WIZ: variants seen among roughly 807,000 people sequenced by gnomAD.
The protein encoded by WIZ is WIZ zinc finger.
Under a neutral mutation model 140.2 loss-of-function variants are expected in WIZ, and 25 were observed. The ratio of observed to expected loss-of-function variants is 0.18; its 90% CI spans 0.13 to 0.25. WIZ has a LOEUF of 0.25. Among genes scored for constraint, WIZ ranks in the 10% least tolerant of loss-of-function variants. The probability of loss-of-function intolerance (pLI) is 1.00; values close to 1 mark genes in which losing one functional copy is unlikely to be tolerated. For synonymous variants in WIZ, 1,125 were observed against 1,154.3 expected, an observed-to-expected ratio of 0.97 and a Z score of 0.51; for missense variants, 2,231 against 2,632.6, an observed-to-expected ratio of 0.85 and a Z score of 3.34.
In WIZ at chr19:15,436,888, C is replaced by T. The variant is rs1336226971; in HGVS notation, c.2658G>A (p.Leu886=). The part of the protein sequence containing the change: ...REPGGPPGSF[L]TSRRPRLPLT... ...GAGGTAAGCGGGGCCGACGGGAGGT[C>T]AGGAAGCTGCCAGGCGGACCCCCAG... is the stretch of plus-strand genomic sequence containing the variant. Residue 886 remains leucine (L), a synonymous_variant, in exon 5 of 13, where the codon CTG becomes CTA. Transcript: ENST00000673675. 1 of 1,612,854 alleles carries T rather than the reference C, an allele frequency of 6.2e-7. No individual in the cohort carries two copies. Among genetic ancestry groups the T allele is most frequent in the Admixed American group, 1.7e-5 (1 of 59,796 alleles).
chr19:15,439,769 C>T lies in WIZ; in HGVS notation c.1225G>A (p.Gly409Ser), dbSNP rs79917926. The change falls in exon 4 of 13, where the codon GGC (glycine) becomes AGC (serine). Residue 409 changes from glycine (G) to serine (S), a missense_variant. Transcript: ENST00000673675. This position sits in a 1 kb window ranked among gnomAD's most constrained non-coding sequence, Gnocchi z 7.0. ...ACATAGGCCCTGGATGAATTGGTGC[C>T]AAAGACACACTTAGGGCACTGCAGC... Reference protein sequence around the residue: ...ARLQCPKCVFGTNSSRAYVQH... With the variant: ...ARLQCPKCVFSTNSSRAYVQH... 3,483 of 1,485,710 alleles carry T rather than the reference C, an allele frequency of 2.3e-3. 7 individuals are homozygous for T. Among genetic ancestry groups the T allele is most frequent in the Non-Finnish European group, 3.0e-3 (3,327 of 1,123,328 alleles). The allele number at this position is 1,485,710 out of a possible 1,614,324, so 92.0% of individuals were successfully genotyped here. A position where few individuals can be genotyped will look rare whatever the true frequency, so the allele number is the denominator to read the frequency against.
chr19:15,430,948 G>C, intron 6 of WIZ, 64 bp downstream of exon 6: 1 of 1,453,760 alleles, frequency 6.9e-7, no homozygotes, highest in Non-Finnish European at 9.1e-7. Flanking sequence ...CAAGGCACGA[G>C]AGTGCTCCTG....
intron 5 of WIZ, among the ~76,000 whole-genome samples, chr19:15,436,070 C>T (rs1969504784): frequency 6.6e-6 from 1 of 152,200 alleles, no homozygotes; most frequent in African/African-American, 2.4e-5. Flanking sequence ...TTGCAGTGAG[C>T]CAAGATTGTG....
rs760260747 is a variant in WIZ, at chr19:15,448,345, C to T, written c.-38G>A. Reference sequence around the variant, plus strand: ...GCTTGGATCCACTCAGCTGCTGCACCGGCTCAGCGGGGCATTGTGGGCCTG... The same window carrying T: ...GCTTGGATCCACTCAGCTGCTGCACTGGCTCAGCGGGGCATTGTGGGCCTG... On this transcript the variant is annotated 5_prime_UTR_variant, in exon 2 of 13. Transcript: ENST00000673675. The T allele has an allele frequency of 6.2e-6, 10 of 1,603,712 alleles. No individual in the cohort carries two copies. The highest frequency in any genetic ancestry group is 2.7e-5 in the African/African-American group (2 of 74,770).
chr19:15,429,549 G>A (rs1969085182), intron 7 of WIZ, 37 bp downstream of exon 7: 27 of 1,130,360 alleles, frequency 2.4e-5, no homozygotes, highest in Non-Finnish European at 2.8e-5. Context: ...CCCTCCCAGC[G>A]CCAGAACCTC....
At position 15,422,839 on chromosome 19, in the gene WIZ, G is replaced by A; in HGVS notation, c.*237C>T. ...CCTGGCTGCTGCCCCTGCTGGACCA[G>A]GTGGGCATGGGCTGAAGGAAGACAC... On this transcript the variant is annotated 3_prime_UTR_variant, in exon 13 of 13. Coordinates refer to ENST00000673675, the MANE Select transcript of WIZ (RefSeq NM_001371589.1). The A allele has an allele frequency of 1.7e-6, 1 of 581,196 alleles. No individual in the cohort carries two copies. The highest frequency in any genetic ancestry group is 3.0e-6 in the Non-Finnish European group (1 of 335,676). The allele number at this position is 581,196 out of a possible 1,614,324, so 36.0% of individuals were successfully genotyped here. A position where few individuals can be genotyped will look rare whatever the true frequency, so the allele number is the denominator to read the frequency against.
Position 15,428,239 on chromosome 19 carries a change from G to A in WIZ, c.3685C>T (p.Pro1229Ser), listed in dbSNP as rs1568295754. Residue 1229 changes from proline to serine, a missense_variant, in exon 8 of 13, where the codon CCG (proline) becomes TCG (serine). By Grantham distance (74) the Pro-to-Ser change is moderately conservative. Transcript: ENST00000673675. This position sits in a 1 kb window ranked among gnomAD's most constrained non-coding sequence, Gnocchi z 6.4. ...SAALSLLPPP[P>S]PAKKAKLKAA... ...TTCAGCTTGGCCTTCTTGGCCGGCG[G>A]TGGGGGGGGAAGCAAGGAGAGGGCC... 6.5e-7 allele frequency: 1 copy of A among 1,531,240 alleles called. No homozygotes were observed. Among genetic ancestry groups the A allele is most frequent in the Non-Finnish European group, 8.7e-7 (1 of 1,145,210 alleles). The allele number at this position is 1,531,240 out of a possible 1,614,324, so 94.9% of individuals were successfully genotyped here.
At position 15,427,360 on chromosome 19, in the gene WIZ, T is replaced by A; in HGVS notation, c.3988A>T (p.Thr1330Ser). ...GGAGGTCCACCAGGCCGAGACTGGG[T>A]CCGTCTCTTCAGGATCTCCCGCAGC... ...DTLREILKRR[T>S]QSRPGGPPNP... Residue 1330 changes from threonine (T) to serine (S), a missense_variant, in exon 9 of 13, where the codon ACC becomes TCC. Coordinates refer to ENST00000673675, the MANE Select transcript of WIZ (RefSeq NM_001371589.1). The surrounding 1 kb of genome is among the most constrained non-coding windows in gnomAD (Gnocchi z 6.4). 8 of 1,613,634 alleles carry A rather than the reference T, an allele frequency of 5.0e-6. No homozygotes were observed. Among genetic ancestry groups the A allele is most frequent in the Non-Finnish European group, 6.8e-6 (8 of 1,179,996 alleles).
rs1227588938 is a variant in WIZ, at chr19:15,424,964, G to T, written c.4963C>A (p.Arg1655=). 1.2e-6 allele frequency: 2 copies of T among 1,606,436 alleles called. No homozygotes were observed. The highest frequency in any genetic ancestry group is 2.2e-5 in the East Asian group (1 of 44,686). ...ENRKALASHA[R]AHLRQFGVTE... is the part of the protein sequence containing the mutation. The stretch of plus-strand genomic sequence containing the variant: ...ACGCCGAACTGCCGCAGGTGTGCCC[G>T]TGCGTGGCTGGCCAGGGCCTTGCGG... Residue 1655 remains arginine, a synonymous_variant, in exon 11 of 13, where the codon CGG becomes AGG. Coordinates refer to ENST00000673675, the MANE Select transcript of WIZ (RefSeq NM_001371589.1). This position sits in a 1 kb window ranked among gnomAD's most constrained non-coding sequence, Gnocchi z 9.7.
rs146090944 is a variant in WIZ, at chr19:15,444,965, C to T, written c.206-2217G>A. ...GGCCTCTTTGTCTGAGCAATTCCAG[C>T]GAGGCTCCTATTTTTAGTGGCAGTG... On this transcript the variant is annotated intron_variant, in intron 2 of 12. Transcript: ENST00000673675. Among the ~76,000 whole-genome samples, 505 of 152,334 alleles carry T rather than the reference C, an allele frequency of 3.3e-3. 3 individuals carry two copies. Among genetic ancestry groups the T allele is most frequent in the Admixed American group, 7.1e-3 (109 of 15,296 alleles).
At position 15,439,014 on chromosome 19, in the gene WIZ, T is replaced by C; in HGVS notation, c.1980A>G (p.Ala660=). 1.3e-6 allele frequency: 2 copies of C among 1,493,218 alleles called. No homozygotes were observed. Among genetic ancestry groups the C allele is most frequent in the African/African-American group, 1.4e-5 (1 of 71,616 alleles). 92.5% of individuals were successfully genotyped at this position (1,493,218 alleles called of 1,614,324 possible). The change falls in exon 4 of 13, where the codon GCA becomes GCG. Residue 660 remains alanine, a synonymous_variant. Coordinates refer to ENST00000673675, the MANE Select transcript of WIZ (RefSeq NM_001371589.1). This position sits in a 1 kb window ranked among gnomAD's most constrained non-coding sequence, Gnocchi z 7.0. ...CTACTGCCTGCAGGGCCTCTCGGAA[T>C]GCCTGCTTCAGCTCCAGGGCCGCCT... ...IPQAALELKQ[A]FREALQAVEA...
intron 2 of WIZ, among the ~76,000 whole-genome samples, chr19:15,446,108 C>G (rs931956043): frequency 5.3e-5 from 8 of 152,194 alleles, no homozygotes; most frequent in African/African-American, 1.9e-4. Flanking sequence ...CTGCCCCCAG[C>G]TGCTGAGGGA....
rs185586607 is a variant in WIZ, at chr19:15,444,167, C to T, written c.206-1419G>A. On this transcript the variant is annotated intron_variant, in intron 2 of 12. Coordinates refer to ENST00000673675, the MANE Select transcript of WIZ (RefSeq NM_001371589.1). Reference sequence around the variant, plus strand: ...TCCAGAAAAAGGGATAGGGCTGGGGCGAATTCTTTTTCCAATCCCTCATCA... The same window carrying T: ...TCCAGAAAAAGGGATAGGGCTGGGGTGAATTCTTTTTCCAATCCCTCATCA... Among the ~76,000 whole-genome samples, 25 of 152,252 alleles carry T rather than the reference C, an allele frequency of 1.6e-4. No homozygotes were observed. The East Asian group carries it at 4.6e-3, about 28-fold the overall frequency.
chr19:15,423,639 G>A (rs1424072564), intron 12 of WIZ, among the ~76,000 whole-genome samples: 2 of 152,218 alleles, frequency 1.3e-5, no homozygotes, highest in Non-Finnish European at 2.9e-5. Context: ...GAGGCCTGGA[G>A]CCCAAGCTCC....
chr19:15,426,108 T>C (rs1219634998), intron 9 of WIZ, among the ~76,000 whole-genome samples: 1 of 151,708 alleles, frequency 6.6e-6, no homozygotes, highest in Non-Finnish European at 1.5e-5. Context: ...GGCTTCAAGA[T>C]ACCTCCCTGT....
rs1425499776 is a variant in WIZ, at chr19:15,439,129, TCCTCC to T, written c.1860_1864del (p.Glu621GlyfsTer15). 2.7e-6 allele frequency: 4 copies of T among 1,468,534 alleles called. No homozygotes were observed. The highest frequency in any genetic ancestry group is 2.6e-5 in the East Asian group (1 of 38,434). 91.0% of individuals were successfully genotyped at this position (1,468,534 alleles called of 1,614,324 possible). A position where few individuals can be genotyped will look rare whatever the true frequency, so the allele number is the denominator to read the frequency against. On this transcript the variant is annotated frameshift_variant, in exon 4 of 13. Transcript: ENST00000673675. LOFTEE classifies it high-confidence loss of function. This position sits in a 1 kb window ranked among gnomAD's most constrained non-coding sequence, Gnocchi z 7.0. ...GGAGGTCAGCACTACATCCTCCTCC[TCCTCC>T]TCCTCCTCCTCCTCTTCGCTCCAAG... is the stretch of plus-strand genomic sequence containing the variant.
Position 15,428,030 on chromosome 19 carries a change from AGGGAGGGGGCTGTGACCCCCCCCCC to A in WIZ, c.3814+55_3814+79del. The A allele has an allele frequency of 6.7e-7, 1 of 1,497,432 alleles. No individual in the cohort carries two copies. Among genetic ancestry groups the A allele is most frequent in the Non-Finnish European group, 8.9e-7 (1 of 1,128,710 alleles). 92.8% of individuals were successfully genotyped at this position (1,497,432 alleles called of 1,614,324 possible). A position where few individuals can be genotyped will look rare whatever the true frequency, so the allele number is the denominator to read the frequency against. ...GCCCCTGTCTACTCCCTGCCCCAGC[AGGGAGGGGGCTGTGACCCCCCCCCC>A]GGGAGGGGCTCCAGGGCCCGCAGTG... is the stretch of plus-strand genomic sequence containing the variant. On this transcript the variant is annotated intron_variant, in intron 8 of 12. Coordinates refer to ENST00000673675, the MANE Select transcript of WIZ (RefSeq NM_001371589.1). The surrounding 1 kb of genome is among the most constrained non-coding windows in gnomAD (Gnocchi z 6.4).
chr19:15,447,348 G>A (rs1969953699), intron 2 of WIZ, among the ~76,000 whole-genome samples: 1 of 152,134 alleles, frequency 6.6e-6, no homozygotes, highest in African/African-American at 2.4e-5. Context: ...ACTCTATCAG[G>A]GAGGGTCTCC....
intron 5 of WIZ, 134 bp from the exon 6 acceptor site, chr19:15,431,316 G>A (rs576552431): frequency 3.4e-5 from 40 of 1,161,670 alleles, no homozygotes; most frequent in East Asian, 2.7e-5. Flanking sequence ...GGAAAGCTGA[G>A]GTTCCACCAT....
Sources: gnomAD v4.1 joint callset for allele counts (sites outside exome capture counted in the v4.1 genomes callset) on GRCh38, gnomAD v4.1.1 for gene constraint, Gnocchi (gnomAD v3.1) non-coding constraint, MANE v1.5 for transcripts, NCBI Gene and HGNC (gene_info 2026-07-23, HGNC 2026-07-21) for gene names.